The following RYR3 variants were observed in gnomAD, a reference collection of about 807,000 sequenced individuals.
RYR3 encodes brain ryanodine receptor-calcium release channel.
A neutral mutation model predicts 584.3 loss-of-function variants in RYR3; 207 were observed. That is an observed-to-expected ratio of 0.35 (90% CI 0.32 to 0.40). RYR3 has a LOEUF of 0.40. Among genes scored for constraint, RYR3 ranks in the 10% least tolerant of loss-of-function variants. RYR3 has a pLI of 1.00. For synonymous variants in RYR3, 2,416 were observed against 2,248.5 expected (o/e 1.07, Z -2.11); for missense variants, 5,616 against 6,089.2 (o/e 0.92, Z 2.59).
At chr15:33,826,434 G>A (rs576109604) in intron 83 of RYR3, among the ~76,000 whole-genome samples, 165 bp downstream of exon 83, 2 of 152,250 alleles carry the variant, frequency 1.3e-5, no homozygotes, top group South Asian at 2.1e-4. Context: ...TAAAGCATGG[G>A]TTATGGACCG....
At chr15:33,450,974 C>T (rs1008470675) in intron 1 of RYR3, among the ~76,000 whole-genome samples, 1 of 152,066 alleles carries the variant, frequency 6.6e-6, no homozygotes, top group African/African-American at 2.4e-5. Flanking sequence ...ATCGTGTGGT[C>T]CTTACTGGAG....
At chr15:33,634,365 A>G (rs182373490) in intron 24 of RYR3, among the ~76,000 whole-genome samples, 13 of 152,306 alleles carry the variant, frequency 8.5e-5, no homozygotes, top group African/African-American at 3.1e-4. Context: ...GTGTTTTTTA[A>G]TGCTAGCTTT....
rs184367451 is a variant in RYR3, at chr15:33,612,655, C to T, written c.2165-528C>T. ...GATTACAGGCGTGAGCCACTGTGCC[C>T]AGCCTATGTAGCATAGTTTAATGGC... On this transcript the variant is annotated intron_variant, in intron 18 of 103. Coordinates refer to ENST00000634891, the MANE Select transcript of RYR3 (RefSeq NM_001036.6). Among the ~76,000 whole-genome samples, 51 of 152,332 alleles carry T rather than the reference C, an allele frequency of 3.3e-4. 1 individual carries two copies. In the Middle Eastern group the frequency reaches 0.014, roughly 41 times the overall value.
chr15:33,647,374 G>A (rs1212707646), intron 29 of RYR3, 50 bp from the exon 30 acceptor site: 1 of 1,484,196 alleles, frequency 6.7e-7, no homozygotes, highest in South Asian at 1.1e-5. Flanking sequence ...CGGAACTGTG[G>A]GATTCTCAAT....
intron 98 of RYR3, among the ~76,000 whole-genome samples, chr15:33,855,453 C>G (rs532143627): frequency 6.6e-6 from 1 of 152,234 alleles, no homozygotes; most frequent in Non-Finnish European, 1.5e-5. Context: ...ATCCACCCGC[C>G]TCGGCCTCCC....
chr15:33,674,033 C>T (rs1230379255), intron 38 of RYR3, among the ~76,000 whole-genome samples: 1 of 152,174 alleles, frequency 6.6e-6, no homozygotes, highest in East Asian at 1.9e-4. Flanking sequence ...TCTCCCCTGC[C>T]ACTCTTCTCC....
chr15:33,368,336 G>GTTTT (rs1975793287), intron 1 of RYR3, among the ~76,000 whole-genome samples: 8 of 98,872 alleles, frequency 8.1e-5, no homozygotes, highest in East Asian at 8.7e-4. Flanking sequence ...TAGCCTTCCT[G>GTTTT]TCTTTTTTTT....
At chr15:33,754,917 G>C in intron 57 of RYR3, 148 bp from the exon 58 acceptor site, 1 of 608,796 alleles carries the variant, frequency 1.6e-6, no homozygotes, top group Non-Finnish European at 3.0e-6. Context: ...AAGTGAGAGG[G>C]GAAATCAGTC....
Position 33,859,874 on chromosome 15 carries a change from T to C in RYR3, c.14299+143T>C, listed in dbSNP as rs776558745. On this transcript the variant is annotated intron_variant, in intron 100 of 103. Coordinates refer to ENST00000634891, the MANE Select transcript of RYR3 (RefSeq NM_001036.6). ...TAGCAAGAACTAATTTAGCATCTACTATACCTGAGGCTTTGGCTATATATA... is the reference window on the plus strand; with the variant it reads ...TAGCAAGAACTAATTTAGCATCTACCATACCTGAGGCTTTGGCTATATATA... 1.1e-3 allele frequency: 981 copies of C among 915,498 alleles called. 1 individual carries two copies. The highest frequency in any genetic ancestry group is 1.2e-3 in the Non-Finnish European group (769 of 617,610). The allele number at this position is 915,498 out of a possible 1,614,324, so 56.7% of individuals were successfully genotyped here.
At chr15:33,576,926 A>T (rs1278792243) in intron 12 of RYR3, among the ~76,000 whole-genome samples, 1 of 152,222 alleles carries the variant, frequency 6.6e-6, no homozygotes, top group Non-Finnish European at 1.5e-5. Flanking sequence ...AAGTCTCAGG[A>T]TACAAAATCA....
intron 57 of RYR3, among the ~76,000 whole-genome samples, chr15:33,752,072 C>A (rs1383765345): frequency 1.3e-5 from 2 of 152,186 alleles, no homozygotes; most frequent in Non-Finnish European, 2.9e-5. Flanking sequence ...GGTCTCTGTT[C>A]TATTCCATCG....
chr15:33,422,362 T>C (rs1333405342), intron 1 of RYR3, among the ~76,000 whole-genome samples: 3 of 152,208 alleles, frequency 2.0e-5, no homozygotes, highest in Non-Finnish European at 4.4e-5. Flanking sequence ...CTCATTTATT[T>C]AAAAACCATT....
chr15:33,371,895 GTTCT>G (rs2141100641), intron 1 of RYR3, among the ~76,000 whole-genome samples: 1 of 152,362 alleles, frequency 6.6e-6, no homozygotes, highest in Non-Finnish European at 1.5e-5. Context: ...GTGATGGCTG[GTTCT>G]GCTGGAACCC....
At chr15:33,425,361 C>A (rs1394046876) in intron 1 of RYR3, among the ~76,000 whole-genome samples, 2 of 152,156 alleles carry the variant, frequency 1.3e-5, no homozygotes, top group South Asian at 2.1e-4. Context: ...AATTCTGACT[C>A]CTCCTGTCGT....
intron 43 of RYR3, among the ~76,000 whole-genome samples, chr15:33,713,144 A>G (rs2067238622): frequency 6.6e-6 from 1 of 152,184 alleles, no homozygotes. Flanking sequence ...AATGTAAGAT[A>G]AAAGTGATAT....
chr15:33,421,535 T>C (rs1285180319), intron 1 of RYR3, among the ~76,000 whole-genome samples: 1 of 152,094 alleles, frequency 6.6e-6, no homozygotes, highest in African/African-American at 2.4e-5. Flanking sequence ...GATGTCTAGG[T>C]TTCTGGTTCC....
At chr15:33,486,520 G>C (rs938010647) in intron 2 of RYR3, among the ~76,000 whole-genome samples, 10 of 152,268 alleles carry the variant, frequency 6.6e-5, no homozygotes, top group African/African-American at 1.9e-4. Flanking sequence ...GGTACAGGGG[G>C]TTAGGAATTC....
chr15:33,756,820 C>T (rs1029095102), intron 59 of RYR3, among the ~76,000 whole-genome samples: 1 of 152,098 alleles, frequency 6.6e-6, no homozygotes, highest in African/African-American at 2.4e-5. Context: ...CCTTATGGTA[C>T]ATATGGTACC....
At chr15:33,590,193 G>C (rs1165916538) in intron 16 of RYR3, among the ~76,000 whole-genome samples, 2 of 152,116 alleles carry the variant, frequency 1.3e-5, no homozygotes, top group African/African-American at 4.8e-5. Flanking sequence ...AAATCACAAT[G>C]GTGGAATGTC....
Sources: gnomAD v4.1 joint callset for allele counts (sites outside exome capture counted in the v4.1 genomes callset) on GRCh38, gnomAD v4.1.1 for gene constraint, MANE v1.5 for transcripts, NCBI Gene and HGNC (gene_info 2026-07-23, HGNC 2026-07-21) for gene names.